The following FER1L6 variants were observed in gnomAD, a reference collection of about 807,000 sequenced individuals.
FER1L6 encodes the protein fer-1-like protein 6.
FER1L6 carries 177 observed loss-of-function variants against 219.2 expected under a neutral mutation model. The observed-to-expected ratio is 0.81, with a 90% CI of 0.71 to 0.91. FER1L6 has a LOEUF of 0.91. FER1L6 is among the 40% of genes least tolerant of loss of function. The pLI is 0.00. For synonymous variants in FER1L6, 768 were observed against 824.3 expected, an observed-to-expected ratio of 0.93 and a Z score of 1.17; for missense variants, 2,153 against 2,259.9, an observed-to-expected ratio of 0.95 and a Z score of 0.96.
chr8:124,039,769 T>G, intron 19 of FER1L6, 113 bp from the exon 20 acceptor site: 1 of 1,369,062 alleles, frequency 7.3e-7, no homozygotes, highest in Non-Finnish European at 1.0e-6. Context: ...GCTGGTGGTC[T>G]CCTTTTGTCT....
At chr8:123,938,051 A>C (rs367574542) in intron 1 of FER1L6, among the ~76,000 whole-genome samples, 1 of 152,204 alleles carries the variant, frequency 6.6e-6, no homozygotes, top group Admixed American at 6.5e-5. Flanking sequence ...TGCTTATTAC[A>C]TTGTAGGTCA....
Position 124,109,742 on chromosome 8 carries a change from C to A in FER1L6, c.5289+6433C>A, listed in dbSNP as rs553275726. Among the ~76,000 whole-genome samples, 9 of 152,294 alleles carry A rather than the reference C, an allele frequency of 5.9e-5. No homozygotes were observed. The South Asian group carries it at 1.9e-3, about 32-fold the overall frequency. ...TACAGAAAGCCTCCCCTGGGCAGGG[C>A]TTTGGTAGGATATCCTGAATACAGA... is the stretch of plus-strand genomic sequence containing the variant. On this transcript the variant is annotated intron_variant, in intron 39 of 40. Coordinates refer to ENST00000522917, the MANE Select transcript of FER1L6 (RefSeq NM_001039112.2).
chr8:124,097,756 C>A (rs1218009457), intron 36 of FER1L6, 29 bp from the exon 37 acceptor site: 2 of 1,211,030 alleles, frequency 1.7e-6, no homozygotes, highest in East Asian at 4.7e-5. Flanking sequence ...TCAAGGTCAT[C>A]GACCTAATGC....
At chr8:123,862,765 G>A (rs373531325) in intron 1 of FER1L6, among the ~76,000 whole-genome samples, 9 of 114,972 alleles carry the variant, frequency 7.8e-5, no homozygotes, top group Non-Finnish European at 1.5e-4. Context: ...GTTTATTTGC[G>A]TAGAGGTGTT....
At chr8:123,966,853 G>A (rs1212162838) in intron 5 of FER1L6, among the ~76,000 whole-genome samples, 2 of 152,096 alleles carry the variant, frequency 1.3e-5, no homozygotes, top group Admixed American at 6.6e-5. Context: ...AGGCCACGGC[G>A]TGCGGATCAC....
In FER1L6 at chr8:124,045,872, G is replaced by C. The variant is rs767631026; in HGVS notation, c.2695G>C (p.Val899Leu). 2 of 1,614,032 alleles carry C rather than the reference G, an allele frequency of 1.2e-6. No individual in the cohort carries two copies. The highest frequency in any genetic ancestry group is 1.7e-6 in the Non-Finnish European group (2 of 1,179,992). The change falls in exon 21 of 41, where the codon GTG becomes CTG. Residue 899 changes from valine (V) to leucine (L), a missense_variant. By Grantham distance (32) the Val-to-Leu change is conservative (BLOSUM62 1). Coordinates refer to ENST00000522917, the MANE Select transcript of FER1L6 (RefSeq NM_001039112.2). The part of the protein sequence containing the change: ...KELAESPPLV[V>L]VELYDSDAVG... ...GCTGGCAGAGTCCCCGCCCTTAGTG[G>C]TGGTGGAGCTGTATGACAGCGACGC...
At chr8:123,950,138 C>T (rs1259235573) in intron 1 of FER1L6, among the ~76,000 whole-genome samples, 7 of 152,164 alleles carry the variant, frequency 4.6e-5, no homozygotes, top group African/African-American at 1.2e-4. Context: ...TCTTAGGCTG[C>T]GGTGGGGGCG....
At chr8:124,058,845 A>G (rs1328325489) in intron 22 of FER1L6, 1 of 152,142 alleles carries the variant, frequency 6.6e-6, no homozygotes, top group African/African-American at 2.4e-5. Flanking sequence ...CAGCTTCTTG[A>G]TCTGGGCTGG....
At chr8:124,024,211 T>TTA (rs1818602645) in intron 18 of FER1L6, among the ~76,000 whole-genome samples, 1 of 150,692 alleles carries the variant, frequency 6.6e-6, no homozygotes, top group African/African-American at 2.5e-5. Flanking sequence ...TTTTTTTTTT[T>TTA]ATTTCAGTAG....
chr8:123,958,541 T>A (rs1815121071), intron 2 of FER1L6, among the ~76,000 whole-genome samples: 1 of 152,126 alleles, frequency 6.6e-6, no homozygotes, highest in African/African-American at 2.4e-5. Flanking sequence ...GCTTGGCTGT[T>A]GCGAGCCCCA....
chr8:124,061,632 T>G (rs1820581492), intron 24 of FER1L6, among the ~76,000 whole-genome samples: 1 of 152,148 alleles, frequency 6.6e-6, no homozygotes, highest in Non-Finnish European at 1.5e-5. Flanking sequence ...GTTTTGTAAT[T>G]TAAACCTGCG....
chr8:123,903,707 A>C (rs1000140697), intron 1 of FER1L6, among the ~76,000 whole-genome samples: 2 of 152,064 alleles, frequency 1.3e-5, no homozygotes, highest in Non-Finnish European at 2.9e-5. Context: ...ACGCTTACGT[A>C]TGTTCACATT....
chr8:124,074,579 G>T (rs1821202062), intron 31 of FER1L6, among the ~76,000 whole-genome samples: 2 of 151,568 alleles, frequency 1.3e-5, no homozygotes, highest in African/African-American at 2.4e-5. Context: ...TTGAGCCTGG[G>T]AGGCATAAGT....
In FER1L6 at chr8:123,852,194, A is replaced by G. The variant is rs1020102068; in HGVS notation, c.-8+9A>G. The G allele has an allele frequency of 6.6e-6, 1 of 152,262 alleles. No homozygotes were observed. The highest frequency in any genetic ancestry group is 1.5e-5 in the Non-Finnish European group (1 of 68,076). 9.4% of individuals were successfully genotyped at this position (152,262 alleles called of 1,614,324 possible). ...GGTGGACAAGGCATTTTGTAAGTCC[A>G]TAGATAATAGATTCTACAGAAGCAT... is the stretch of plus-strand genomic sequence containing the variant. On this transcript the variant is annotated intron_variant, in intron 1 of 40. Coordinates refer to ENST00000522917, the MANE Select transcript of FER1L6 (RefSeq NM_001039112.2). This position sits in a 1 kb window ranked among gnomAD's most constrained non-coding sequence, Gnocchi z 4.9.
intron 18 of FER1L6, among the ~76,000 whole-genome samples, chr8:124,034,567 T>G (rs1819117661): frequency 6.6e-6 from 1 of 151,986 alleles, no homozygotes; most frequent in Admixed American, 6.6e-5. Flanking sequence ...AAAGCAAACA[T>G]AAATAAAAAT....
intron 20 of FER1L6, 100 bp from the exon 21 acceptor site, chr8:124,045,667 T>C (rs1228208870): frequency 8.0e-7 from 1 of 1,251,708 alleles, no homozygotes; most frequent in Non-Finnish European, 1.1e-6. Flanking sequence ...ACAATGATGA[T>C]GTGTTCTCTT....
chr8:124,114,895 G>GTGTATA (rs368797867), intron 39 of FER1L6, among the ~76,000 whole-genome samples: 171 of 90,060 alleles, frequency 1.9e-3, no homozygotes, highest in African/African-American at 5.8e-3. Context: ...GTGTGTGTGC[G>GTGTATA]TATATATATA....
At chr8:123,964,023 G>A (rs940001817) in intron 3 of FER1L6, among the ~76,000 whole-genome samples, 1 of 152,238 alleles carries the variant, frequency 6.6e-6, no homozygotes, top group African/African-American at 2.4e-5. Flanking sequence ...GCCTAGTACT[G>A]CTTCAGCTGA....
intron 1 of FER1L6, among the ~76,000 whole-genome samples, chr8:123,913,640 A>T (rs1391219064): frequency 6.6e-6 from 1 of 152,160 alleles, no homozygotes; most frequent in Middle Eastern, 3.2e-3. Flanking sequence ...TCCACATTGC[A>T]CTATTGCATG....
Sources: gnomAD v4.1 joint callset for allele counts (sites outside exome capture counted in the v4.1 genomes callset) on GRCh38, gnomAD v4.1.1 for gene constraint, Gnocchi (gnomAD v3.1) non-coding constraint, MANE v1.5 for transcripts, NCBI Gene and HGNC (gene_info 2026-07-23, HGNC 2026-07-21) for gene names.